DSTYK: variants seen among roughly 807,000 people sequenced by gnomAD.
DSTYK encodes dual serine/threonine and tyrosine protein kinase, also known as RIP-homologous kinase.
Under a neutral mutation model 98.7 loss-of-function variants are expected in DSTYK, and 34 were observed. The observed-to-expected ratio is 0.34, with a 90% CI of 0.26 to 0.46. The LOEUF is 0.46. Among genes scored for constraint, DSTYK ranks in the 20% least tolerant of loss-of-function variants. The pLI is 1.00. For synonymous variants in DSTYK, 462 were observed against 457.3 expected, an observed-to-expected ratio of 1.01 and a Z score of -0.13; for missense variants, 962 against 1,181.7, an observed-to-expected ratio of 0.81 and a Z score of 2.73.
At chr1:205,175,745 A>G (rs2102425842) in intron 2 of DSTYK, among the ~76,000 whole-genome samples, 1 of 152,314 alleles carries the variant, frequency 6.6e-6, no homozygotes, top group East Asian at 1.9e-4. Context: ...TAGTATGGCC[A>G]CCTGAGAGGG....
intron 11 of DSTYK, among the ~76,000 whole-genome samples, chr1:205,149,031 T>C (rs1382262427): frequency 6.6e-6 from 1 of 151,632 alleles, no homozygotes; most frequent in African/African-American, 2.4e-5. Context: ...GCCTCCCGAG[T>C]AGCTGGGATT....
At chr1:205,179,375 C>T (rs921960731) in intron 2 of DSTYK, among the ~76,000 whole-genome samples, 1 of 151,496 alleles carries the variant, frequency 6.6e-6, no homozygotes, top group Non-Finnish European at 1.5e-5. Context: ...ACTCCCAGCA[C>T]TTTGGGAGGC....
intron 1 of DSTYK, among the ~76,000 whole-genome samples, chr1:205,208,338 C>T (rs1299011474): frequency 1.3e-5 from 2 of 152,152 alleles, no homozygotes; most frequent in Non-Finnish European, 2.9e-5. Context: ...TATCATATGG[C>T]ATTACAAATG....
intron 10 of DSTYK, among the ~76,000 whole-genome samples, chr1:205,151,037 G>A (rs1018907039): frequency 3.9e-5 from 6 of 152,174 alleles, no homozygotes; most frequent in Admixed American, 2.0e-4. Flanking sequence ...CCTGTACAGC[G>A]TATTACTGTA....
chr1:205,204,193 C>G (rs1186616023), intron 1 of DSTYK, among the ~76,000 whole-genome samples: 3 of 152,158 alleles, frequency 2.0e-5, no homozygotes, highest in African/African-American at 7.2e-5. Context: ...CAGTAAATGA[C>G]AGTTCCATAC....
chr1:205,147,848 C>T, intron 12 of DSTYK, 103 bp from the exon 13 acceptor site: 1 of 1,195,822 alleles, frequency 8.4e-7, no homozygotes, highest in South Asian at 1.5e-5. Context: ...GCTCAGAATA[C>T]TAAGAATGCA....
At position 205,177,927 on chromosome 1, in the gene DSTYK, G is replaced by A. The variant is rs549457788; in HGVS notation, c.655-8095C>T. Among the ~76,000 whole-genome samples, 43 of 152,126 alleles carry A rather than the reference G, an allele frequency of 2.8e-4. 1 individual carries two copies. In the South Asian group the frequency reaches 8.7e-3, roughly 31 times the overall value. On this transcript the variant is annotated intron_variant, in intron 2 of 12. Transcript: ENST00000367162. ...TTTTTGGTACATATACTTTCCAAGGGGGAGCTGCAACCAAACAGGCTATAA... is the reference window on the plus strand; with the variant it reads ...TTTTTGGTACATATACTTTCCAAGGAGGAGCTGCAACCAAACAGGCTATAA...
intron 1 of DSTYK, among the ~76,000 whole-genome samples, chr1:205,210,245 C>T (rs550083609): frequency 6.6e-6 from 1 of 152,222 alleles, no homozygotes; most frequent in Non-Finnish European, 1.5e-5. Flanking sequence ...TTAGGACCCA[C>T]TTCACACACC....
chr1:205,191,779 G>T (rs576152940), intron 1 of DSTYK, among the ~76,000 whole-genome samples: 3 of 152,338 alleles, frequency 2.0e-5, no homozygotes, highest in South Asian at 4.1e-4. Context: ...CTGACAGTAG[G>T]AGGGAGGAAG....
intron 2 of DSTYK, among the ~76,000 whole-genome samples, chr1:205,187,196 C>G (rs556332816): frequency 5.5e-4 from 84 of 152,178 alleles, no homozygotes; most frequent in Non-Finnish European, 9.3e-4. Context: ...AGGAGACAAG[C>G]AAACTACTCA....
chr1:205,155,872 G>T (rs1257520788), intron 10 of DSTYK, among the ~76,000 whole-genome samples: 1 of 152,180 alleles, frequency 6.6e-6, no homozygotes, highest in African/African-American at 2.4e-5. Context: ...TGGTTCTGTG[G>T]GCTGGGCCCA....
chr1:205,159,435 T>C, intron 9 of DSTYK, 112 bp downstream of exon 9: 1 of 1,285,646 alleles, frequency 7.8e-7, no homozygotes, highest in Middle Eastern at 2.1e-4. Context: ...AAACCCTAAT[T>C]ACTCCAACAA....
At chr1:205,199,778 T>C (rs188963400) in intron 1 of DSTYK, among the ~76,000 whole-genome samples, 2 of 152,252 alleles carry the variant, frequency 1.3e-5, no homozygotes, top group Admixed American at 6.5e-5. Flanking sequence ...CTAGAGGCTA[T>C]TTTCCTGTAA....
At position 205,148,266 on chromosome 1, in the gene DSTYK, C is replaced by A. The variant is rs1657302725; in HGVS notation, c.2541G>T (p.Lys847Asn). Residue 847 changes from lysine (K) to asparagine (N), a missense_variant, in exon 12 of 13, where the codon AAG becomes AAT. Lys to Asn is a moderately conservative substitution (Grantham distance 94). This residue lies in a region of DSTYK where 69 missense variants were observed against 142.9 expected (regional missense o/e 0.48). Transcript: ENST00000367162. ...LFWYICSGSV[K>N]LPEAFERCAS... The stretch of plus-strand genomic sequence containing the variant: ...CACACCTCTCAAATGCCTCAGGGAG[C>A]TTGACAGAGCCTGAGCAGATATACC... 1 of 1,614,002 alleles carries A rather than the reference C, an allele frequency of 6.2e-7. No homozygotes were observed. Among genetic ancestry groups the A allele is most frequent in the Admixed American group, 1.7e-5 (1 of 60,006 alleles).
At chr1:205,210,100 C>T (rs1468233242) in intron 1 of DSTYK, among the ~76,000 whole-genome samples, 1 of 151,992 alleles carries the variant, frequency 6.6e-6, no homozygotes, top group Non-Finnish European at 1.5e-5. Flanking sequence ...CGGGGTTTCA[C>T]CATGTTGGCC....
At chr1:205,208,622 C>A (rs1021381744) in intron 1 of DSTYK, among the ~76,000 whole-genome samples, 1 of 152,092 alleles carries the variant, frequency 6.6e-6, no homozygotes, top group Non-Finnish European at 1.5e-5. Context: ...TACTGTAATT[C>A]CAGCACTTTG....
At position 205,169,088 on chromosome 1, in the gene DSTYK, G is replaced by A. The variant is rs979396289; in HGVS notation, c.1324+75C>T. 7.9e-6 allele frequency: 10 copies of A among 1,271,302 alleles called. No homozygotes were observed. Among genetic ancestry groups the A allele is most frequent in the African/African-American group, 1.5e-5 (1 of 66,888 alleles). The allele number at this position is 1,271,302 out of a possible 1,614,324, so 78.8% of individuals were successfully genotyped here. A position where few individuals can be genotyped will look rare whatever the true frequency, so the allele number is the denominator to read the frequency against. ...GATTCCTTTAACCTTAGGAATTAAC[G>A]TTCTTAATTTCCGGCTAGAAAATGG... is the stretch of plus-strand genomic sequence containing the variant. On this transcript the variant is annotated intron_variant, in intron 3 of 12. Coordinates refer to ENST00000367162, the MANE Select transcript of DSTYK (RefSeq NM_015375.3). This position sits in a 1 kb window ranked among gnomAD's most constrained non-coding sequence, Gnocchi z 4.0.
chr1:205,196,650 A>G (rs1658875107), intron 1 of DSTYK, among the ~76,000 whole-genome samples: 1 of 152,130 alleles, frequency 6.6e-6, no homozygotes, highest in African/African-American at 2.4e-5. Context: ...TTTTTTGAGA[A>G]ACAGGGTATC....
chr1:205,147,046 C>T lies in DSTYK; in HGVS notation c.*512G>A, dbSNP rs1338205308. On this transcript the variant is annotated 3_prime_UTR_variant, in exon 13 of 13. Transcript: ENST00000367162. ...CTTCTGACCATTGCAACCTGAGATACCTGGCTGCAGACAGCAGGAACCAGA... is the reference window on the plus strand; with the variant it reads ...CTTCTGACCATTGCAACCTGAGATATCTGGCTGCAGACAGCAGGAACCAGA... 6.5e-6 allele frequency: 1 copy of T among 153,020 alleles called. No homozygotes were observed. The highest frequency in any genetic ancestry group is 1.5e-5 in the Non-Finnish European group (1 of 68,340). 9.5% of individuals were successfully genotyped at this position (153,020 alleles called of 1,614,324 possible).
Sources: allele counts gnomAD v4.1 joint callset (sites outside exome capture counted in the v4.1 genomes callset), GRCh38; gene constraint gnomAD v4.1.1; regional missense constraint gnomAD v4.1.1; non-coding constraint Gnocchi (gnomAD v3.1); transcripts MANE v1.5; gene names NCBI Gene and HGNC (gene_info 2026-07-23, HGNC 2026-07-21).